The following HDAC8 variants were observed in gnomAD, a reference collection of about 807,000 sequenced individuals.
HDAC8 encodes the protein histone deacetylase-like 1.
Under a neutral mutation model 32.2 loss-of-function variants are expected in HDAC8, and 1 was observed. That is an observed-to-expected ratio of 0.03 (90% CI 0.01 to 0.15). HDAC8 has a LOEUF of 0.15. HDAC8 is among the 10% of genes least tolerant of loss of function. The probability of loss-of-function intolerance (pLI) is 1.00; values close to 1 mark genes in which losing one functional copy is unlikely to be tolerated. For synonymous variants in HDAC8, 108 were observed against 113.9 expected (o/e 0.95, Z 0.33); for missense variants, 117 against 300.0 (o/e 0.39, Z 4.51).
intron 9 of HDAC8, among the ~76,000 whole-genome samples, chrX:72,406,985 C>T (rs2046057281): frequency 8.9e-6 from 1 of 111,967 alleles, no homozygotes; most frequent in Admixed American, 9.5e-5. Context: ...TAGGTTACAC[C>T]CTTGAACAAA....
At chrX:72,453,459 A>AAGAAAG (rs1474350430) in intron 9 of HDAC8, among the ~76,000 whole-genome samples, 9 of 92,340 alleles carry the variant, frequency 9.7e-5, no homozygotes, top group African/African-American at 3.7e-4. Flanking sequence ...TCTGTCTCTT[A>AAGAAAG]AAAATAAAGA....
chrX:72,393,058 T>C (rs1268326728), intron 9 of HDAC8, among the ~76,000 whole-genome samples: 2 of 111,870 alleles, frequency 1.8e-5, no homozygotes, highest in Non-Finnish European at 3.8e-5. Flanking sequence ...TCAGCGTTGG[T>C]AGTTTAATAA....
At chrX:72,571,460 A>C (rs1451534023) in intron 2 of HDAC8, among the ~76,000 whole-genome samples, 1 of 110,185 alleles carries the variant, frequency 9.1e-6, no homozygotes, top group Non-Finnish European at 1.9e-5. Context: ...TACTTAACCA[A>C]GCAATCGAGC....
intron 7 of HDAC8, among the ~76,000 whole-genome samples, chrX:72,486,513 TTC>T (rs1382953582): frequency 5.4e-5 from 6 of 111,993 alleles, no homozygotes; most frequent in African/African-American, 1.6e-4. Context: ...TACTAAAAGT[TTC>T]TTTTTTTTAA....
chrX:72,398,426 A>G (rs1240906760), intron 9 of HDAC8, among the ~76,000 whole-genome samples: 1 of 111,144 alleles, frequency 9.0e-6, no homozygotes, highest in Non-Finnish European at 1.9e-5. Flanking sequence ...CCTGGGCTTA[A>G]GTGATCCTTC....
At chrX:72,369,441 C>T (rs1853755390) in intron 9 of HDAC8, among the ~76,000 whole-genome samples, 2 of 112,141 alleles carry the variant, frequency 1.8e-5, no homozygotes, top group African/African-American at 3.2e-5. Context: ...ACAGGGGAAG[C>T]AGTGGTTGAT....
At chrX:72,382,919 C>T (rs2045304646) in intron 9 of HDAC8, among the ~76,000 whole-genome samples, 1 of 111,819 alleles carries the variant, frequency 8.9e-6, no homozygotes, top group African/African-American at 3.3e-5. Context: ...TGTTTAAAAG[C>T]GATTGAGTTA....
At chrX:72,349,723 T>C (rs1241821878) in intron 10 of HDAC8, among the ~76,000 whole-genome samples, 4 of 111,941 alleles carry the variant, frequency 3.6e-5, no homozygotes, top group South Asian at 3.7e-4. Flanking sequence ...TGCATTACCT[T>C]CCTTATGTCT....
chrX:72,373,464 A>G (rs1357156907), intron 9 of HDAC8, among the ~76,000 whole-genome samples: 1 of 112,650 alleles, frequency 8.9e-6, no homozygotes, highest in Non-Finnish European at 1.9e-5. Flanking sequence ...AAATGGAATA[A>G]TAGAATATGT....
At chrX:72,478,479 A>C (rs1213392259) in intron 7 of HDAC8, among the ~76,000 whole-genome samples, 1 of 110,899 alleles carries the variant, frequency 9.0e-6, no homozygotes, top group Non-Finnish European at 1.9e-5. Context: ...CCCCCTCAAC[A>C]CGGAGCTGGC....
chrX:72,341,892 A>C (rs1160765873), intron 10 of HDAC8, among the ~76,000 whole-genome samples: 1 of 112,386 alleles, frequency 8.9e-6, no homozygotes, highest in Non-Finnish European at 1.9e-5. Flanking sequence ...TGATTACTTC[A>C]AAGTCTATTA....
chrX:72,415,753 T>C (rs1357274716), intron 9 of HDAC8, among the ~76,000 whole-genome samples: 1 of 112,337 alleles, frequency 8.9e-6, no homozygotes, highest in Non-Finnish European at 1.9e-5. Flanking sequence ...AGAAATATGT[T>C]CATTGATAGT....
At chrX:72,398,020 T>C (rs2147866973) in intron 9 of HDAC8, among the ~76,000 whole-genome samples, 1 of 112,240 alleles carries the variant, frequency 8.9e-6, no homozygotes, top group South Asian at 3.7e-4. Flanking sequence ...AGTTATTAGA[T>C]AATGCCAAAT....
chrX:72,475,769 G>GAA (rs201055093), intron 7 of HDAC8, among the ~76,000 whole-genome samples: 1 of 106,983 alleles, frequency 9.3e-6, no homozygotes, highest in African/African-American at 3.4e-5. Flanking sequence ...AAACATGAAA[G>GAA]AAAAAAAAAC....
At position 72,477,951 on chromosome X, in the gene HDAC8, T is replaced by G. The variant is rs781797170; in HGVS notation, c.737+10982A>C. 2.7e-5 allele frequency among the ~76,000 whole-genome samples: 3 copies of G among 112,176 alleles called. No homozygotes were observed. In the East Asian group the frequency reaches 8.4e-4, roughly 32 times the overall value. Reference sequence around the variant, plus strand: ...CCATATGAAATCTCTCTAGTCTGTATGCAAATTCAAAACTCCATGTCCTGG... The same window carrying G: ...CCATATGAAATCTCTCTAGTCTGTAGGCAAATTCAAAACTCCATGTCCTGG... On this transcript the variant is annotated intron_variant, in intron 7 of 10. Transcript: ENST00000373573.
Position 72,329,802 on chromosome X carries a change from GTGTT to G in HDAC8, c.*248_*251del. The G allele has an allele frequency of 9.2e-7, 1 of 1,083,759 alleles. No homozygotes were observed. Among genetic ancestry groups the G allele is most frequent in the Non-Finnish European group, 1.2e-6 (1 of 801,912 alleles). The allele number at this position is 1,083,759 out of a possible 1,213,427, so 89.3% of individuals were successfully genotyped here. The stretch of plus-strand genomic sequence containing the variant: ...GATTAAAAATTTCATTTGTGTGTGT[GTGTT>G]TTTTTAAATAAGAACTTTAAATGTG... On this transcript the variant is annotated 3_prime_UTR_variant, in exon 11 of 11. Transcript: ENST00000373573.
chrX:72,425,781 A>G (rs1190340224), intron 9 of HDAC8, among the ~76,000 whole-genome samples: 1 of 110,991 alleles, frequency 9.0e-6, no homozygotes, highest in Non-Finnish European at 1.9e-5. Flanking sequence ...AGATGCCCCT[A>G]CAGACATAGT....
chrX:72,564,320 G>T (rs1448064445), intron 4 of HDAC8, among the ~76,000 whole-genome samples: 1 of 112,260 alleles, frequency 8.9e-6, no homozygotes, highest in Non-Finnish European at 1.9e-5. Context: ...GTAGGAGTGG[G>T]TTAGATAATA....
intron 7 of HDAC8, chrX:72,473,663 T>C (rs1555998890): frequency 5.3e-6 from 4 of 751,841 alleles, no homozygotes; most frequent in Non-Finnish European, 6.3e-6. Flanking sequence ...CTACAGTATA[T>C]CTGCTTCCAT....
Sources: allele counts gnomAD v4.1 joint callset (sites outside exome capture counted in the v4.1 genomes callset), GRCh38; gene constraint gnomAD v4.1.1; transcripts MANE v1.5; gene names NCBI Gene and HGNC (gene_info 2026-07-23, HGNC 2026-07-21).